The following MBNL1 variants were observed in gnomAD, a reference collection of about 807,000 sequenced individuals.
MBNL1 encodes muscleblind like splicing regulator 1, also known as muscleblind-like protein 1.
In MBNL1, 8 loss-of-function variants were observed where a neutral mutation model predicts 42.2. That is an observed-to-expected ratio of 0.19 (90% CI 0.11 to 0.34). The LOEUF (loss-of-function observed/expected upper bound fraction) is 0.34. MBNL1 is among the 10% of genes least tolerant of loss of function. MBNL1 has a pLI of 1.00. For synonymous variants in MBNL1, 169 were observed against 173.9 expected, an observed-to-expected ratio of 0.97 and a Z score of 0.22; for missense variants, 309 against 495.3, an observed-to-expected ratio of 0.62 and a Z score of 3.57.
intron 2 of MBNL1, chr3:152,340,798 A>AAC: frequency 1.9e-6 from 3 of 1,614,040 alleles, no homozygotes; most frequent in Non-Finnish European, 1.7e-6. Flanking sequence ...AGGGGACTGG[A>AAC]CAGAACCTAC....
Position 152,337,616 on chromosome 3 carries a change from A to T in MBNL1, c.174+37249A>T, listed in dbSNP as rs376161456. On this transcript the variant is annotated intron_variant, in intron 2 of 9. Transcript: ENST00000324210. ...CTTCCAGCCTGGGCAACAGAGTGAG[A>T]TTCCATCTCAAAAAAAAAAAAAAAG... 1.9e-4 allele frequency among the ~76,000 whole-genome samples: 28 copies of T among 148,748 alleles called. No individual in the cohort carries two copies. The East Asian group carries it at 4.3e-3, about 23-fold the overall frequency.
intron 2 of MBNL1, among the ~76,000 whole-genome samples, chr3:152,253,914 C>A (rs1156879529): frequency 6.6e-6 from 1 of 152,114 alleles, no homozygotes; most frequent in Non-Finnish European, 1.5e-5. Context: ...TGTTACACAA[C>A]ATGTTGATTT....
chr3:152,270,075 A>G (rs2040203505), intron 1 of MBNL1, among the ~76,000 whole-genome samples: 1 of 152,048 alleles, frequency 6.6e-6, no homozygotes, highest in Non-Finnish European at 1.5e-5. Context: ...TGTTGCTGCC[A>G]GAGTAATATT....
intron 3 of MBNL1, among the ~76,000 whole-genome samples, chr3:152,428,960 C>T (rs188608575): frequency 6.6e-6 from 1 of 152,294 alleles, no homozygotes; most frequent in Admixed American, 6.5e-5. Flanking sequence ...GCAATTCACT[C>T]ATTCATTCAT....
intron 5 of MBNL1, 130 bp from the exon 6 acceptor site, chr3:152,447,490 C>T: frequency 9.2e-5 from 32 of 346,674 alleles, no homozygotes; most frequent in South Asian, 2.2e-4. Context: ...TGGATTTTTT[C>T]CCTCGGGTAG....
At chr3:152,457,012 T>C (rs1475186679) in intron 8 of MBNL1, among the ~76,000 whole-genome samples, 2 of 152,176 alleles carry the variant, frequency 1.3e-5, no homozygotes, top group Non-Finnish European at 2.9e-5. Context: ...AAATTAAGTA[T>C]GGCAAATTGA....
At chr3:152,458,535 A>T in intron 8 of MBNL1, 1 of 266,748 alleles carries the variant, frequency 3.7e-6, no homozygotes, top group East Asian at 9.0e-5. Flanking sequence ...CCGTGTCATC[A>T]GTCCTCTGAC....
At chr3:152,252,393 C>G (rs1251238838) in intron 2 of MBNL1, among the ~76,000 whole-genome samples, 8 of 151,098 alleles carry the variant, frequency 5.3e-5, no homozygotes, top group Admixed American at 2.6e-4. Context: ...AGGGTTTTTC[C>G]CTTTACATTT....
intron 2 of MBNL1, among the ~76,000 whole-genome samples, chr3:152,245,635 T>G (rs1441798856): frequency 6.6e-6 from 1 of 152,204 alleles, no homozygotes; most frequent in Non-Finnish European, 1.5e-5. Context: ...TTTTGATAAA[T>G]TTTGGTAAAT....
intron 2 of MBNL1, among the ~76,000 whole-genome samples, chr3:152,247,950 A>G (rs904394922): frequency 6.6e-6 from 1 of 151,928 alleles, no homozygotes; most frequent in Non-Finnish European, 1.5e-5. Flanking sequence ...ATAAAATTTC[A>G]TACCTCATTA....
intron 2 of MBNL1, among the ~76,000 whole-genome samples, chr3:152,397,153 A>G (rs891477236): frequency 2.0e-5 from 3 of 152,232 alleles, no homozygotes; most frequent in African/African-American, 7.2e-5. Context: ...TCTTGGAGAT[A>G]AGAACATTGG....
In MBNL1 at chr3:152,359,171, C is replaced by A. The variant is rs2095755685; in HGVS notation, c.175-55770C>A. 2.0e-5 allele frequency among the ~76,000 whole-genome samples: 3 copies of A among 152,116 alleles called. 1 individual carries two copies. In the South Asian group the frequency reaches 6.2e-4, roughly 31 times the overall value. Reference sequence around the variant, plus strand: ...AGCAAGAAATTGTTTTTGCATTCTTCTTTGCTGTCACTAGCAGAAGAAACT... The same window carrying A: ...AGCAAGAAATTGTTTTTGCATTCTTATTTGCTGTCACTAGCAGAAGAAACT... On this transcript the variant is annotated intron_variant, in intron 2 of 9. Coordinates refer to ENST00000324210, the MANE Select transcript of MBNL1 (RefSeq NM_021038.5).
At chr3:152,289,770 G>C (rs1386301768) in intron 1 of MBNL1, among the ~76,000 whole-genome samples, 1 of 152,100 alleles carries the variant, frequency 6.6e-6, no homozygotes, top group Non-Finnish European at 1.5e-5. Flanking sequence ...TAATGTTAAA[G>C]TGTGTAGCAC....
In MBNL1 at chr3:152,463,494, AAT is replaced by A. The variant is rs907100150; in HGVS notation, c.*1130_*1131del. ...AATGCTTCATCACAGTCACATTCAA[AAT>A]AGTGACTCTAAACAAAGAAGAAAGC... On this transcript the variant is annotated 3_prime_UTR_variant, in exon 10 of 10. Transcript: ENST00000324210. 2.0e-4 allele frequency: 30 copies of A among 152,624 alleles called. No homozygotes were observed. The highest frequency in any genetic ancestry group is 7.0e-4 in the African/African-American group (29 of 41,570). 9.5% of individuals were successfully genotyped at this position (152,624 alleles called of 1,614,324 possible). A position where few individuals can be genotyped will look rare whatever the true frequency, so the allele number is the denominator to read the frequency against.
At chr3:152,287,964 C>T (rs952277039) in intron 1 of MBNL1, among the ~76,000 whole-genome samples, 1 of 152,058 alleles carries the variant, frequency 6.6e-6, no homozygotes, top group South Asian at 2.1e-4. Flanking sequence ...TCTCATGCTC[C>T]CTTATAGTTT....
chr3:152,438,208 A>G (rs1284140787), intron 4 of MBNL1, among the ~76,000 whole-genome samples: 2 of 152,212 alleles, frequency 1.3e-5, no homozygotes, highest in Admixed American at 6.5e-5. Flanking sequence ...GATATTCAGT[A>G]GAAAACTGTT....
intron 2 of MBNL1, among the ~76,000 whole-genome samples, chr3:152,254,748 T>C (rs1357410908): frequency 6.6e-6 from 1 of 152,154 alleles, no homozygotes; most frequent in Non-Finnish European, 1.5e-5. Flanking sequence ...GCAAAGTTAG[T>C]AACAATAATA....
intron 2 of MBNL1, among the ~76,000 whole-genome samples, chr3:152,314,906 TG>T (rs2069695853): frequency 6.6e-6 from 1 of 152,334 alleles, no homozygotes; most frequent in South Asian, 2.1e-4. Context: ...AGTCTAATTC[TG>T]GGTATGAGTT....
intron 2 of MBNL1, among the ~76,000 whole-genome samples, chr3:152,403,788 G>C (rs761044747): frequency 5.3e-5 from 8 of 152,012 alleles, no homozygotes; most frequent in Non-Finnish European, 8.8e-5. Flanking sequence ...CATGTTCTGG[G>C]CTCATGAGCC....
Sources: gnomAD v4.1 joint callset for allele counts (sites outside exome capture counted in the v4.1 genomes callset) on GRCh38, gnomAD v4.1.1 for gene constraint, MANE v1.5 for transcripts, NCBI Gene and HGNC (gene_info 2026-07-23, HGNC 2026-07-21) for gene names.